The following NFIA variants were observed in gnomAD, a reference collection of about 807,000 sequenced individuals.
NFIA encodes the protein nuclear factor I A, also known as nuclear factor 1 A-type.
NFIA carries 8 observed loss-of-function variants against 62.8 expected under a neutral mutation model. That is an observed-to-expected ratio of 0.13 (90% CI 0.07 to 0.23). NFIA has a LOEUF of 0.23. Among genes scored for constraint, NFIA ranks in the 10% least tolerant of loss-of-function variants. The pLI is 1.00. For synonymous variants in NFIA, 235 were observed against 238.1 expected, an observed-to-expected ratio of 0.99 and a Z score of 0.12; for missense variants, 410 against 642.1, an observed-to-expected ratio of 0.64 and a Z score of 3.91.
At chr1:61,184,824 T>G (rs1651044179) in intron 2 of NFIA, among the ~76,000 whole-genome samples, 1 of 151,878 alleles carries the variant, frequency 6.6e-6, no homozygotes, top group African/African-American at 2.4e-5. Flanking sequence ...ACCTGGAGAG[T>G]AAGGTATAAT....
At chr1:61,239,337 A>G (rs1350115681) in intron 2 of NFIA, among the ~76,000 whole-genome samples, 1 of 152,192 alleles carries the variant, frequency 6.6e-6, no homozygotes, top group East Asian at 1.9e-4. Context: ...ATAATTATGG[A>G]TAATGAATAA....
Position 61,428,771 on chromosome 1 carries a change from A to G in NFIA, c.1512+2215A>G, listed in dbSNP as rs1295509437. On this transcript the variant is annotated intron_variant, in intron 10 of 10. Transcript: ENST00000403491. Reference sequence around the variant, plus strand: ...TTTTGACAAGAATTTTTAAAAACATAATTAGAACATGGTCGGCAGATTTCC... The same window carrying G: ...TTTTGACAAGAATTTTTAAAAACATGATTAGAACATGGTCGGCAGATTTCC... 2.0e-5 allele frequency among the ~76,000 whole-genome samples: 3 copies of G among 152,178 alleles called. No individual in the cohort carries two copies. The East Asian group carries it at 5.8e-4, about 29-fold the overall frequency.
intron 3 of NFIA, among the ~76,000 whole-genome samples, chr1:61,321,668 A>T (rs1660685077): frequency 6.6e-6 from 1 of 151,924 alleles, no homozygotes; most frequent in African/African-American, 2.4e-5. Flanking sequence ...ATTAACCACA[A>T]TTTTTTTGTT....
chr1:61,437,427 A>ACT (rs1667378734), intron 10 of NFIA, among the ~76,000 whole-genome samples: 1 of 152,060 alleles, frequency 6.6e-6, no homozygotes, highest in Admixed American at 6.5e-5. Context: ...GAAACCCTGG[A>ACT]CTAGGAGTCA....
chr1:61,128,913 A>ACG (rs1647022729), intron 2 of NFIA, among the ~76,000 whole-genome samples: 1 of 62,920 alleles, frequency 1.6e-5, no homozygotes, highest in Non-Finnish European at 3.2e-5. Context: ...ATGCTTACTT[A>ACG]TGTTTTTTTT....
chr1:61,189,896 A>C (rs968263828), intron 2 of NFIA, among the ~76,000 whole-genome samples: 2 of 152,166 alleles, frequency 1.3e-5, no homozygotes, highest in Non-Finnish European at 2.9e-5. Flanking sequence ...GGTCTGGGTC[A>C]CATCTTGGAT....
At chr1:61,220,690 G>A (rs1570404702) in intron 2 of NFIA, among the ~76,000 whole-genome samples, 2 of 152,132 alleles carry the variant, frequency 1.3e-5, no homozygotes, top group East Asian at 3.9e-4. Context: ...GGCAAGTTAG[G>A]CCTTTCTTTA....
chr1:61,353,997 G>A (rs775944893), intron 5 of NFIA, among the ~76,000 whole-genome samples: 7 of 152,210 alleles, frequency 4.6e-5, no homozygotes, highest in Admixed American at 4.6e-4. Flanking sequence ...CCTGTGGGCA[G>A]TGATTAATTT....
chr1:61,138,636 G>A (rs1403014206), intron 2 of NFIA, among the ~76,000 whole-genome samples: 2 of 151,550 alleles, frequency 1.3e-5, no homozygotes, highest in Admixed American at 6.6e-5. Flanking sequence ...GCTGGAGTGC[G>A]GTGGTACAAT....
chr1:61,082,885 G>T (rs1442632535), intron 1 of NFIA, 67 bp downstream of exon 1: 10 of 1,461,474 alleles, frequency 6.8e-6, no homozygotes, highest in South Asian at 2.7e-5. Flanking sequence ...GGGGCTGGGT[G>T]GGGGGCACCG....
At chr1:61,406,933 G>A (rs866507271) in intron 9 of NFIA, among the ~76,000 whole-genome samples, 5 of 152,124 alleles carry the variant, frequency 3.3e-5, no homozygotes, top group African/African-American at 1.2e-4. Context: ...GGTGTTGGGT[G>A]GATGAGATGG....
At chr1:61,404,653 G>A (rs1268296271) in intron 8 of NFIA, among the ~76,000 whole-genome samples, 1 of 152,176 alleles carries the variant, frequency 6.6e-6, no homozygotes, top group Non-Finnish European at 1.5e-5. Context: ...TGGGGTGGTA[G>A]AGAAAGGTAG....
intron 3 of NFIA, among the ~76,000 whole-genome samples, chr1:61,312,545 C>T (rs1431162071): frequency 3.3e-5 from 5 of 150,846 alleles, no homozygotes; most frequent in East Asian, 1.9e-4. Flanking sequence ...GATTAGACAA[C>T]GTGGTCACCC....
intron 5 of NFIA, among the ~76,000 whole-genome samples, chr1:61,357,202 T>C (rs146653674): frequency 6.6e-6 from 1 of 152,334 alleles, no homozygotes; most frequent in Admixed American, 6.5e-5. Context: ...TTCTTCCTGA[T>C]AGGCTCCTCC....
intron 2 of NFIA, among the ~76,000 whole-genome samples, chr1:61,162,225 G>A (rs552567010): frequency 3.9e-5 from 6 of 152,222 alleles, no homozygotes; most frequent in African/African-American, 1.2e-4. Context: ...CCTAGAGCGA[G>A]GAGTCACCTG....
intron 2 of NFIA, among the ~76,000 whole-genome samples, chr1:61,189,404 C>G (rs113273659): frequency 2.0e-5 from 3 of 152,066 alleles, no homozygotes; most frequent in East Asian, 1.9e-4. Flanking sequence ...CAGTGGCTCA[C>G]GCCTGTAATC....
At chr1:61,300,673 A>G (rs189268456) in intron 3 of NFIA, among the ~76,000 whole-genome samples, 36 of 152,070 alleles carry the variant, frequency 2.4e-4, no homozygotes, top group African/African-American at 8.7e-4. Flanking sequence ...GTATATATAC[A>G]CACACATACC....
chr1:61,284,371 G>A (rs905724850), intron 3 of NFIA, among the ~76,000 whole-genome samples: 1 of 152,148 alleles, frequency 6.6e-6, no homozygotes, highest in Non-Finnish European at 1.5e-5. Flanking sequence ...CTTAAGAATT[G>A]TTAGCAGGTG....
chr1:61,265,337 C>T (rs756220984), intron 2 of NFIA, among the ~76,000 whole-genome samples: 6 of 152,126 alleles, frequency 3.9e-5, no homozygotes, highest in Non-Finnish European at 7.3e-5. Flanking sequence ...GGGAGAAAGC[C>T]ATGGTAGAAT....
Sources: allele counts gnomAD v4.1 joint callset (sites outside exome capture counted in the v4.1 genomes callset), GRCh38; gene constraint gnomAD v4.1.1; transcripts MANE v1.5; gene names NCBI Gene and HGNC (gene_info 2026-07-23, HGNC 2026-07-21).